Variants in RAD54L2 observed in about 807,000 individuals in gnomAD.
RAD54L2 encodes RAD54 like 2.
A neutral mutation model predicts 138.4 loss-of-function variants in RAD54L2; 27 were observed. The ratio of observed to expected loss-of-function variants is 0.20; its 90% CI spans 0.14 to 0.27. The LOEUF (loss-of-function observed/expected upper bound fraction) is 0.27. RAD54L2 is among the 10% of genes least tolerant of loss of function. The pLI is 1.00. For missense variants in RAD54L2, 1,396 were observed against 1,890.2 expected (o/e 0.74, Z 4.85); for synonymous variants, 644 against 723.2 (o/e 0.89, Z 1.76).
intron 22 of RAD54L2, 94 bp downstream of exon 22, chr3:51,660,212 T>C: frequency 1.1e-6 from 1 of 894,140 alleles, no homozygotes. Flanking sequence ...ATAGATAATA[T>C]GTACATGGTT....
intron 19 of RAD54L2, among the ~76,000 whole-genome samples, chr3:51,652,084 CAA>C (rs1701453736): frequency 6.6e-6 from 1 of 152,210 alleles, no homozygotes; most frequent in Admixed American, 6.5e-5. Context: ...GCAACTTCAG[CAA>C]AGTCTCAGGG....
chr3:51,623,180 G>A (rs1422505248), intron 3 of RAD54L2, among the ~76,000 whole-genome samples: 2 of 152,226 alleles, frequency 1.3e-5, no homozygotes, highest in Admixed American at 6.5e-5. Context: ...ACATGAAAGT[G>A]TAGTCTACAA....
At chr3:51,557,895 G>C (rs1325989527) in intron 2 of RAD54L2, among the ~76,000 whole-genome samples, 1 of 146,848 alleles carries the variant, frequency 6.8e-6, no homozygotes, top group Non-Finnish European at 1.5e-5. Flanking sequence ...GTCTCGCTCT[G>C]TTGCAGTGGC....
intron 19 of RAD54L2, among the ~76,000 whole-genome samples, chr3:51,653,446 A>T (rs1559654897): frequency 6.6e-6 from 1 of 152,238 alleles, no homozygotes; most frequent in Non-Finnish European, 1.5e-5. Context: ...TACCCAAAGG[A>T]TTATAAATCA....
intron 2 of RAD54L2, among the ~76,000 whole-genome samples, chr3:51,578,914 C>T (rs963403685): frequency 3.9e-5 from 6 of 152,102 alleles, no homozygotes; most frequent in East Asian, 1.9e-4. Flanking sequence ...TGAGGTCACA[C>T]GAACGAATTG....
chr3:51,620,892 T>C (rs1232162285), intron 3 of RAD54L2, among the ~76,000 whole-genome samples: 1 of 152,180 alleles, frequency 6.6e-6, no homozygotes, highest in Non-Finnish European at 1.5e-5. Flanking sequence ...CTTATTGAAC[T>C]TTTTTTCTTT....
chr3:51,577,627 G>A lies in RAD54L2; in HGVS notation c.-54-12740G>A, dbSNP rs866787946. ...GCCTTCTTTGTCTCTTTTGATCTTT[G>A]TTGGTTTAAAGTCTGTTTTATCAGA... On this transcript the variant is annotated intron_variant, in intron 2 of 22. Transcript: ENST00000684192. Among the ~76,000 whole-genome samples the A allele has an allele frequency of 2.6e-5, 4 of 152,188 alleles. No individual in the cohort carries two copies. In the South Asian group the frequency reaches 8.3e-4, roughly 32 times the overall value.
chr3:51,628,839 C>T (rs1241068235), intron 4 of RAD54L2, among the ~76,000 whole-genome samples: 1 of 152,058 alleles, frequency 6.6e-6, no homozygotes, highest in East Asian at 1.9e-4. Context: ...CCTCAGCCTC[C>T]TGAGTAGCTG....
At chr3:51,607,093 A>AT (rs1207317070) in intron 3 of RAD54L2, among the ~76,000 whole-genome samples, 1 of 128,436 alleles carries the variant, frequency 7.8e-6, no homozygotes, top group African/African-American at 2.9e-5. Context: ...TTTATTTTTT[A>AT]TTTTTTTATT....
chr3:51,555,589 C>T (rs550790682), intron 2 of RAD54L2, among the ~76,000 whole-genome samples: 7 of 152,210 alleles, frequency 4.6e-5, no homozygotes, highest in East Asian at 1.9e-4. Flanking sequence ...CTGGGGGAGG[C>T]GGAGGTTGCA....
At chr3:51,600,222 G>C (rs975596169) in intron 3 of RAD54L2, among the ~76,000 whole-genome samples, 16 of 150,916 alleles carry the variant, frequency 1.1e-4, no homozygotes, top group African/African-American at 3.2e-4. Flanking sequence ...GATTACAGGC[G>C]TGAGCCACCG....
intron 3 of RAD54L2, among the ~76,000 whole-genome samples, chr3:51,602,588 G>T (rs1700102245): frequency 6.6e-6 from 1 of 152,142 alleles, no homozygotes; most frequent in Non-Finnish European, 1.5e-5. Context: ...GAGTATCACT[G>T]CCTAAAACAA....
At chr3:51,591,476 C>T (rs1004802476) in intron 3 of RAD54L2, among the ~76,000 whole-genome samples, 4 of 152,130 alleles carry the variant, frequency 2.6e-5, no homozygotes, top group Non-Finnish European at 4.4e-5. Context: ...GATCCTCTGT[C>T]TTTACTGGTG....
At chr3:51,546,430 C>T (rs1051550144) in intron 2 of RAD54L2, among the ~76,000 whole-genome samples, 3 of 150,446 alleles carry the variant, frequency 2.0e-5, no homozygotes, top group South Asian at 2.1e-4. Context: ...CACCTGATGT[C>T]GGAAGTTTGA....
At chr3:51,660,257 AAAGT>A (rs1479007154) in intron 22 of RAD54L2, 139 bp downstream of exon 22, 6 of 614,984 alleles carry the variant, frequency 9.8e-6, no homozygotes, top group Middle Eastern at 2.7e-4. Flanking sequence ...GGTAAAGTGA[AAAGT>A]AAGTATTTTT....
At chr3:51,571,550 T>C (rs1385955724) in intron 2 of RAD54L2, among the ~76,000 whole-genome samples, 2 of 151,950 alleles carry the variant, frequency 1.3e-5, no homozygotes, top group African/African-American at 2.4e-5. Context: ...CTATTTTTAG[T>C]AGAGATGGGA....
chr3:51,612,990 A>T (rs1700363893), intron 3 of RAD54L2, among the ~76,000 whole-genome samples: 1 of 152,088 alleles, frequency 6.6e-6, no homozygotes, highest in South Asian at 2.1e-4. Flanking sequence ...CCCGGGCTGG[A>T]GTGTGGTGGC....
Position 51,663,184 on chromosome 3 carries a change from C to T in RAD54L2, c.4168C>T (p.Leu1390Phe), listed in dbSNP as rs1349976343. 1 of 1,613,904 alleles carries T rather than the reference C, an allele frequency of 6.2e-7. No homozygotes were observed. Among genetic ancestry groups the T allele is most frequent in the Non-Finnish European group, 8.5e-7 (1 of 1,179,904 alleles). Residue 1390 changes from leucine (L) to phenylalanine (F), a missense_variant, in exon 23 of 23, where the codon CTC (leucine) becomes TTC (phenylalanine). Transcript: ENST00000684192. ...CTATTCACTCCCATTCTCACAGCCACTCCTGTCCGAGCCGAGGATGTTTGC... is the reference window on the plus strand; with the variant it reads ...CTATTCACTCCCATTCTCACAGCCATTCCTGTCCGAGCCGAGGATGTTTGC... ...PSYSLPFSQP[L>F]LSEPRMFAPF...
chr3:51,629,153 C>A (rs1176367850), intron 4 of RAD54L2, among the ~76,000 whole-genome samples, 181 bp from the exon 5 acceptor site: 2 of 152,188 alleles, frequency 1.3e-5, no homozygotes, highest in Non-Finnish European at 2.9e-5. Context: ...CTAGAGCCAT[C>A]TGAGTTTGAT....
Sources: allele counts gnomAD v4.1 joint callset (sites outside exome capture counted in the v4.1 genomes callset), GRCh38; gene constraint gnomAD v4.1.1; transcripts MANE v1.5; gene names NCBI Gene and HGNC (gene_info 2026-07-23, HGNC 2026-07-21).